FBXL7: variants seen among roughly 807,000 people sequenced by gnomAD.
FBXL7 encodes the protein F-box and leucine rich repeat protein 7, also known as F-box/LRR-repeat protein 7.
In FBXL7, 12 loss-of-function variants were observed where a neutral mutation model predicts 38.3. The observed-to-expected ratio is 0.31, with a 90% CI of 0.20 to 0.51. FBXL7 has a LOEUF of 0.51. Among genes scored for constraint, FBXL7 ranks in the 20% least tolerant of loss-of-function variants. The pLI is 0.98. For missense variants in FBXL7, 567 were observed against 676.4 expected (o/e 0.84, Z 1.79); for synonymous variants, 297 against 300.9 (o/e 0.99, Z 0.13).
chr5:15,937,078 C>G lies in FBXL7; in HGVS notation c.1368C>G (p.Leu456=). Residue 456 remains leucine (L), a synonymous_variant, in exon 4 of 4, where the codon CTC becomes CTG. Transcript: ENST00000504595. ...LQIVAANCFD[L]QTLNVQDCEV... is the part of the protein sequence containing the mutation. ...TCGTGGCCGCCAACTGCTTTGACCT[C>G]CAGACGCTGAATGTCCAGGACTGCG... 6.2e-7 allele frequency: 1 copy of G among 1,614,016 alleles called. No individual in the cohort carries two copies. Among genetic ancestry groups the G allele is most frequent in the Non-Finnish European group, 8.5e-7 (1 of 1,179,898 alleles).
intron 2 of FBXL7, among the ~76,000 whole-genome samples, chr5:15,654,686 G>A (rs1472537385): frequency 1.3e-5 from 2 of 152,146 alleles, no homozygotes; most frequent in African/African-American, 2.4e-5. Context: ...AAAAACAGGC[G>A]CCTAGTTTGG....
intron 2 of FBXL7, among the ~76,000 whole-genome samples, chr5:15,912,572 A>C (rs895757947): frequency 1.3e-5 from 2 of 152,252 alleles, no homozygotes; most frequent in East Asian, 3.9e-4. Flanking sequence ...AGGATTTTCC[A>C]CAAGTATTTC....
At chr5:15,572,600 TA>T (rs1738827882) in intron 1 of FBXL7, among the ~76,000 whole-genome samples, 1 of 152,146 alleles carries the variant, frequency 6.6e-6, no homozygotes. Flanking sequence ...CCAGCAGGCG[TA>T]AGGGCCTGTG....
At chr5:15,560,026 A>G (rs903149620) in intron 1 of FBXL7, among the ~76,000 whole-genome samples, 1 of 152,196 alleles carries the variant, frequency 6.6e-6, no homozygotes, top group Non-Finnish European at 1.5e-5. Flanking sequence ...TAGCATTATA[A>G]GCACATTGAA....
intron 2 of FBXL7, among the ~76,000 whole-genome samples, chr5:15,810,411 A>G (rs1353253409): frequency 6.6e-6 from 1 of 151,960 alleles, no homozygotes; most frequent in Admixed American, 6.6e-5. Flanking sequence ...AAATACAAAA[A>G]CCAGCCAGGC....
chr5:15,666,794 G>A (rs182138982), intron 2 of FBXL7, among the ~76,000 whole-genome samples: 274 of 152,108 alleles, frequency 1.8e-3, no homozygotes, highest in Non-Finnish European at 3.3e-3. Flanking sequence ...TTGTTCCTCC[G>A]TTTTCAAATG....
chr5:15,839,445 A>G (rs1738682374), intron 2 of FBXL7, among the ~76,000 whole-genome samples: 2 of 151,882 alleles, frequency 1.3e-5, no homozygotes, highest in African/African-American at 2.4e-5. Context: ...GATTTTTTTT[A>G]TATGGGGAAC....
chr5:15,892,745 T>C (rs1231084993), intron 2 of FBXL7, among the ~76,000 whole-genome samples: 2 of 152,164 alleles, frequency 1.3e-5, no homozygotes, highest in Non-Finnish European at 2.9e-5. Flanking sequence ...GTATTTCACC[T>C]GGGCCCATTT....
intron 2 of FBXL7, among the ~76,000 whole-genome samples, chr5:15,848,219 ATCTGT>A (rs1359348838): frequency 1.3e-5 from 2 of 152,092 alleles, no homozygotes; most frequent in South Asian, 2.1e-4. Flanking sequence ...ATTTATAATA[ATCTGT>A]TCTTTCTGTG....
chr5:15,929,092 C>G (rs1311176123), intron 3 of FBXL7, among the ~76,000 whole-genome samples: 1 of 152,188 alleles, frequency 6.6e-6, no homozygotes, highest in East Asian at 1.9e-4. Context: ...TTTGTCCAAG[C>G]TGTAAAAATG....
At chr5:15,602,597 T>C (rs1353910856) in intron 1 of FBXL7, among the ~76,000 whole-genome samples, 1 of 152,088 alleles carries the variant, frequency 6.6e-6, no homozygotes, top group Non-Finnish European at 1.5e-5. Context: ...AACCTAAATA[T>C]TTTTATTACC....
intron 2 of FBXL7, among the ~76,000 whole-genome samples, chr5:15,827,791 G>A (rs1308757598): frequency 6.6e-6 from 1 of 152,180 alleles, no homozygotes; most frequent in Non-Finnish European, 1.5e-5. Flanking sequence ...CTGCTACTAA[G>A]AGGCATGCGT....
chr5:15,851,850 A>ACACG (rs113175311), intron 2 of FBXL7, among the ~76,000 whole-genome samples: 4,545 of 142,336 alleles, frequency 0.032, 622 homozygotes, highest in African/African-American at 0.058. Flanking sequence ...ACACACACAC[A>ACACG]AAGTTCCTTG....
In FBXL7 at chr5:15,853,053, T is replaced by G. The variant is rs577287451; in HGVS notation, c.128-74837T>G. On this transcript the variant is annotated intron_variant, in intron 2 of 3. Coordinates refer to ENST00000504595, the MANE Select transcript of FBXL7 (RefSeq NM_012304.5). ...TCTCTATGAGGCAGATCATGCTTTT[T>G]ATGTCTAGTTTACAAATAAGGAAGG... Among the ~76,000 whole-genome samples the G allele has an allele frequency of 2.6e-5, 4 of 152,346 alleles. No homozygotes were observed. The South Asian group carries it at 6.2e-4, about 24-fold the overall frequency.
At chr5:15,547,964 A>G (rs1345328761) in intron 1 of FBXL7, among the ~76,000 whole-genome samples, 1 of 152,200 alleles carries the variant, frequency 6.6e-6, no homozygotes, top group African/African-American at 2.4e-5. Flanking sequence ...CTAGCACTGC[A>G]GAAAGATGAG....
chr5:15,741,593 T>A (rs1735894875), intron 2 of FBXL7, among the ~76,000 whole-genome samples: 2 of 152,200 alleles, frequency 1.3e-5, no homozygotes, highest in African/African-American at 2.4e-5. Flanking sequence ...TGCTCTTGGG[T>A]ATAAAAAAAG....
At chr5:15,794,600 G>T (rs968145400) in intron 2 of FBXL7, among the ~76,000 whole-genome samples, 1 of 152,192 alleles carries the variant, frequency 6.6e-6, no homozygotes, top group African/African-American at 2.4e-5. Context: ...TACTGCCAGA[G>T]CCTTATAAAT....
chr5:15,706,348 C>G (rs982390904), intron 2 of FBXL7, among the ~76,000 whole-genome samples: 4 of 152,174 alleles, frequency 2.6e-5, no homozygotes, highest in African/African-American at 9.6e-5. Context: ...TGTGCCTTCT[C>G]CCCCTTTGCT....
intron 2 of FBXL7, among the ~76,000 whole-genome samples, chr5:15,877,877 A>G (rs1740276501): frequency 1.3e-5 from 2 of 152,146 alleles, no homozygotes; most frequent in Non-Finnish European, 2.9e-5. Flanking sequence ...AAAAATTCTG[A>G]TCTTCCACAC....
Sources: allele counts gnomAD v4.1 joint callset (sites outside exome capture counted in the v4.1 genomes callset), GRCh38; gene constraint gnomAD v4.1.1; transcripts MANE v1.5; gene names NCBI Gene and HGNC (gene_info 2026-07-23, HGNC 2026-07-21).